Variants in ASIC2 observed in about 807,000 individuals in gnomAD.
ASIC2 encodes acid-sensing ion channel 2.
Under a neutral mutation model 57.3 loss-of-function variants are expected in ASIC2, and 25 were observed. The observed-to-expected ratio is 0.44, with a 90% CI of 0.32 to 0.61. The LOEUF (loss-of-function observed/expected upper bound fraction) is 0.61. Ranked by LOEUF, ASIC2 falls within the 20% of genes least tolerant of loss-of-function variation. The pLI, the probability that ASIC2 is intolerant of heterozygous loss-of-function variation, is 0.06. For synonymous variants in ASIC2, 319 were observed against 307.5 expected (o/e 1.04, Z -0.39); for missense variants, 641 against 738.1 (o/e 0.87, Z 1.52).
At chr17:33,346,214 G>C (rs1907937501) in intron 1 of ASIC2, among the ~76,000 whole-genome samples, 1 of 109,610 alleles carries the variant, frequency 9.1e-6, no homozygotes, top group Non-Finnish European at 1.7e-5. Flanking sequence ...GTGACAGAGA[G>C]AGATTCCCTC....
At chr17:33,895,567 CCTT>C (rs1404550425) in intron 1 of ASIC2, among the ~76,000 whole-genome samples, 1 of 152,184 alleles carries the variant, frequency 6.6e-6, no homozygotes, top group Non-Finnish European at 1.5e-5. Context: ...GCTAGACTGT[CCTT>C]CTCTTAAGAA....
intron 1 of ASIC2, among the ~76,000 whole-genome samples, chr17:33,420,421 A>T (rs1311927667): frequency 6.6e-6 from 1 of 152,256 alleles, no homozygotes; most frequent in African/African-American, 2.4e-5. Flanking sequence ...TTTAAGCCTC[A>T]CAAATGGATG....
At chr17:34,065,976 CACA>C (rs2142064041) in intron 1 of ASIC2, among the ~76,000 whole-genome samples, 1 of 152,126 alleles carries the variant, frequency 6.6e-6, no homozygotes, top group Non-Finnish European at 1.5e-5. Flanking sequence ...TAGAACTGTC[CACA>C]ACAATAGGTG....
At chr17:33,724,252 C>T (rs751186656) in intron 1 of ASIC2, among the ~76,000 whole-genome samples, 1 of 152,172 alleles carries the variant, frequency 6.6e-6, no homozygotes, top group Non-Finnish European at 1.5e-5. Context: ...TCCATTAAAC[C>T]TCTTTTTCTT....
chr17:33,876,870 A>G (rs1914559178), intron 1 of ASIC2, among the ~76,000 whole-genome samples: 1 of 152,148 alleles, frequency 6.6e-6, no homozygotes, highest in Non-Finnish European at 1.5e-5. Context: ...GTCACCCAGG[A>G]ACCCGTGCAT....
chr17:33,088,344 G>A (rs2141964799), intron 3 of ASIC2, among the ~76,000 whole-genome samples: 1 of 152,286 alleles, frequency 6.6e-6, no homozygotes, highest in South Asian at 2.1e-4. Flanking sequence ...CAGAATTGAT[G>A]CAGCAGTCCC....
intron 1 of ASIC2, among the ~76,000 whole-genome samples, chr17:34,120,557 A>T (rs1003406968): frequency 2.6e-5 from 4 of 151,654 alleles, no homozygotes; most frequent in Non-Finnish European, 4.4e-5. Flanking sequence ...ATCAATTGTT[A>T]TGGGTTGAAT....
At chr17:33,664,340 C>A (rs1907401076) in intron 1 of ASIC2, among the ~76,000 whole-genome samples, 2 of 152,214 alleles carry the variant, frequency 1.3e-5, no homozygotes, top group African/African-American at 4.8e-5. Context: ...GTGCTTTCCT[C>A]TCAGCAGCCT....
chr17:33,846,491 G>T (rs1913606385), intron 1 of ASIC2, among the ~76,000 whole-genome samples: 1 of 152,158 alleles, frequency 6.6e-6, no homozygotes. Context: ...TGCAGAGTGG[G>T]ATGGGGGAGG....
At chr17:33,144,636 G>T (rs1393962371) in intron 1 of ASIC2, among the ~76,000 whole-genome samples, 1 of 152,106 alleles carries the variant, frequency 6.6e-6, no homozygotes, top group African/African-American at 2.4e-5. Flanking sequence ...GGCTGCCTAG[G>T]GTGACCGATG....
intron 1 of ASIC2, among the ~76,000 whole-genome samples, chr17:33,466,474 G>T (rs1286295302): frequency 2.6e-5 from 4 of 151,784 alleles, no homozygotes; most frequent in Admixed American, 2.6e-4. Flanking sequence ...TTTCTCCACA[G>T]AATTGGGAAA....
At chr17:33,835,949 A>T (rs1239632573) in intron 1 of ASIC2, among the ~76,000 whole-genome samples, 1 of 151,134 alleles carries the variant, frequency 6.6e-6, no homozygotes, top group East Asian at 1.9e-4. Context: ...TGCCCAGTAT[A>T]TGAAATACTA....
intron 1 of ASIC2, among the ~76,000 whole-genome samples, chr17:33,971,754 G>A (rs956182349): frequency 1.6e-4 from 24 of 152,078 alleles, no homozygotes; most frequent in Non-Finnish European, 3.2e-4. Flanking sequence ...AGATTATACA[G>A]AGCTGGGACT....
At chr17:33,551,778 C>T (rs916021573) in intron 1 of ASIC2, among the ~76,000 whole-genome samples, 45 of 152,314 alleles carry the variant, frequency 3.0e-4, no homozygotes, top group Admixed American at 4.6e-4. Flanking sequence ...ATTGTCCTCA[C>T]AAGGGAACTT....
At chr17:33,551,391 C>T (rs1488392575) in intron 1 of ASIC2, among the ~76,000 whole-genome samples, 2 of 152,104 alleles carry the variant, frequency 1.3e-5, no homozygotes, top group Admixed American at 6.6e-5. Context: ...ATGATGAGGG[C>T]ATGGGCCAAG....
At chr17:33,632,499 C>T (rs887140521) in intron 1 of ASIC2, among the ~76,000 whole-genome samples, 4 of 152,134 alleles carry the variant, frequency 2.6e-5, no homozygotes, top group South Asian at 2.1e-4. Flanking sequence ...AGATCGTACT[C>T]CACCCCTACC....
At chr17:33,676,404 T>C (rs1031232394) in intron 1 of ASIC2, among the ~76,000 whole-genome samples, 2 of 152,200 alleles carry the variant, frequency 1.3e-5, no homozygotes, top group Admixed American at 6.5e-5. Context: ...AATAGCCAAA[T>C]TGTGAATGCA....
chr17:33,970,277 G>A (rs1905191291), intron 1 of ASIC2, among the ~76,000 whole-genome samples: 1 of 152,148 alleles, frequency 6.6e-6, no homozygotes. Flanking sequence ...GAGAACCAGT[G>A]GGGTAGTTGG....
intron 1 of ASIC2, among the ~76,000 whole-genome samples, chr17:33,448,006 T>C (rs1912093383): frequency 1.3e-5 from 2 of 150,828 alleles, no homozygotes; most frequent in Admixed American, 1.3e-4. Context: ...ATGAATGTTT[T>C]ATATTATCAC....
Sources: allele counts gnomAD v4.1 joint callset (sites outside exome capture counted in the v4.1 genomes callset), GRCh38; gene constraint gnomAD v4.1.1; transcripts MANE v1.5; gene names NCBI Gene and HGNC (gene_info 2026-07-23, HGNC 2026-07-21).